Variants in ZNF532 observed in about 807,000 individuals in gnomAD.
The protein encoded by ZNF532 is zinc finger protein 532.
ZNF532 carries 22 observed loss-of-function variants against 89.3 expected under a neutral mutation model. That is an observed-to-expected ratio of 0.25 (90% CI 0.18 to 0.35). The LOEUF (loss-of-function observed/expected upper bound fraction) is 0.35, where lower values mean the gene tolerates loss of function less well. Among genes scored for constraint, ZNF532 ranks in the 10% least tolerant of loss-of-function variants. ZNF532 has a pLI of 1.00. For missense variants in ZNF532, 1,132 were observed against 1,643.4 expected (o/e 0.69, Z 5.38); for synonymous variants, 606 against 649.6 (o/e 0.93, Z 1.02).
upstream of ZNF532, chr18:58,864,181 C>T (rs1042415632): frequency 6.6e-6 from 1 of 152,254 alleles, no homozygotes; most frequent in Non-Finnish European, 1.5e-5. Context: ...CAGTTTTCTT[C>T]CCCCGAGGTG....
chr18:58,926,060 A>G (rs1227051777), intron 3 of ZNF532: 1 of 152,132 alleles, frequency 6.6e-6, no homozygotes, highest in Non-Finnish European at 1.5e-5. Flanking sequence ...GTTTTCACTC[A>G]TCTAGTTCTT....
chr18:58,872,698 C>CTTTTTT (rs146289274), intron 2 of ZNF532, among the ~76,000 whole-genome samples: 1 of 138,594 alleles, frequency 7.2e-6, no homozygotes, highest in East Asian at 2.0e-4. Context: ...CAACATTTAT[C>CTTTTTT]TTTTTTTTTT....
chr18:58,864,656 T>C (rs2056286706), upstream of ZNF532: 1 of 142,274 alleles, frequency 7.0e-6, no homozygotes, highest in African/African-American at 2.7e-5. Flanking sequence ...GGCTGTGTGC[T>C]CGTGGGGTGG....
At chr18:58,981,280 C>G in intron 8 of ZNF532, 190 bp from the exon 9 acceptor site, 1 of 662,522 alleles carries the variant, frequency 1.5e-6, no homozygotes, top group Admixed American at 2.7e-5. Context: ...AAAATTAAAG[C>G]CATCTAGACC....
chr18:58,874,588 G>T (rs1289096972), intron 2 of ZNF532, among the ~76,000 whole-genome samples: 1 of 152,056 alleles, frequency 6.6e-6, no homozygotes, highest in Admixed American at 6.5e-5. Context: ...CGATCCACCC[G>T]CCTTGGCCTC....
chr18:58,897,350 G>C (rs778733326), intron 2 of ZNF532, among the ~76,000 whole-genome samples: 29 of 151,944 alleles, frequency 1.9e-4, no homozygotes, highest in Non-Finnish European at 3.2e-4. Context: ...ATTGAGGTTG[G>C]GGGGAAAAAG....
At chr18:58,892,252 G>A (rs1034513032) in intron 2 of ZNF532, among the ~76,000 whole-genome samples, 1 of 152,142 alleles carries the variant, frequency 6.6e-6, no homozygotes, top group Non-Finnish European at 1.5e-5. Flanking sequence ...AAGAATTTAT[G>A]AAGAAAGGTT....
At chr18:58,955,148 T>C (rs550975292) in intron 7 of ZNF532, among the ~76,000 whole-genome samples, 10 of 152,160 alleles carry the variant, frequency 6.6e-5, no homozygotes, top group Non-Finnish European at 8.8e-5. Context: ...TCCCAGCACA[T>C]TGGGAGGCGG....
At chr18:58,944,901 A>T (rs767970037) in intron 5 of ZNF532, among the ~76,000 whole-genome samples, 12 of 151,968 alleles carry the variant, frequency 7.9e-5, no homozygotes, top group Non-Finnish European at 1.8e-4. Flanking sequence ...TGTATTTAGG[A>T]GGAAAGGGGG....
At chr18:58,879,597 G>A (rs111966060) in intron 2 of ZNF532, among the ~76,000 whole-genome samples, 1 of 152,086 alleles carries the variant, frequency 6.6e-6, no homozygotes, top group Non-Finnish European at 1.5e-5. Context: ...CATCATGTTG[G>A]CTGGGCTGGT....
At chr18:58,973,378 A>AGGC (rs2066679987) in intron 7 of ZNF532, among the ~76,000 whole-genome samples, 1 of 152,242 alleles carries the variant, frequency 6.6e-6, no homozygotes, top group African/African-American at 2.4e-5. Context: ...CTGGGATTAC[A>AGGC]GGCGTGAGCC....
chr18:58,986,416 G>A lies in ZNF532; in HGVS notation c.*1950G>A, dbSNP rs1471887984. Reference sequence around the variant, plus strand: ...TCTCTAAATCTAATGCTCGCTCTATGTGGTTATGTACATATTGACAAATAT... The same window carrying A: ...TCTCTAAATCTAATGCTCGCTCTATATGGTTATGTACATATTGACAAATAT... On this transcript the variant is annotated 3_prime_UTR_variant, in exon 10 of 10. Transcript: ENST00000591808. The A allele has an allele frequency of 1.3e-5, 2 of 152,610 alleles. No individual in the cohort carries two copies. The highest frequency in any genetic ancestry group is 2.9e-5 in the Non-Finnish European group (2 of 68,042). The allele number at this position is 152,610 out of a possible 1,614,324, so 9.5% of individuals were successfully genotyped here. A position where few individuals can be genotyped will look rare whatever the true frequency, so the allele number is the denominator to read the frequency against.
chr18:58,881,445 T>TA (rs1464997671), intron 2 of ZNF532, among the ~76,000 whole-genome samples: 2 of 152,158 alleles, frequency 1.3e-5, no homozygotes, highest in Non-Finnish European at 2.9e-5. Flanking sequence ...TTTTACTTCT[T>TA]AAAAGACCTT....
intron 2 of ZNF532, among the ~76,000 whole-genome samples, chr18:58,886,988 C>G (rs746943485): frequency 6.6e-6 from 1 of 152,210 alleles, no homozygotes; most frequent in African/African-American, 2.4e-5. Context: ...CCTGGGCAAG[C>G]CCTGCCCAGA....
intron 2 of ZNF532, among the ~76,000 whole-genome samples, chr18:58,888,902 T>TA (rs1242894972): frequency 5.0e-5 from 4 of 79,382 alleles, no homozygotes; most frequent in African/African-American, 1.8e-4. Context: ...TATATATATA[T>TA]ATATATATAT....
At chr18:58,884,064 A>G (rs2145052167) in intron 2 of ZNF532, among the ~76,000 whole-genome samples, 1 of 152,338 alleles carries the variant, frequency 6.6e-6, no homozygotes, top group East Asian at 1.9e-4. Context: ...AAATATTAAT[A>G]TTTTAAATTT....
intron 2 of ZNF532, among the ~76,000 whole-genome samples, chr18:58,895,274 G>A (rs1279816303): frequency 2.0e-5 from 3 of 152,178 alleles, no homozygotes; most frequent in Admixed American, 1.3e-4. Flanking sequence ...AGGAACAGAC[G>A]CATGTCTTTA....
At chr18:58,956,759 C>T (rs2064818437) in intron 7 of ZNF532, among the ~76,000 whole-genome samples, 1 of 152,210 alleles carries the variant, frequency 6.6e-6, no homozygotes, top group African/African-American at 2.4e-5. Context: ...ACTCACCCCA[C>T]AGCGGTGTTT....
chr18:58,879,814 G>C (rs7505472), intron 2 of ZNF532, among the ~76,000 whole-genome samples: 13,051 of 152,186 alleles, frequency 0.086, 1,110 homozygotes, highest in East Asian at 0.41. Context: ...TCTTTCGTCT[G>C]TTCTCCTTAC....
Sources: allele counts gnomAD v4.1 joint callset (sites outside exome capture counted in the v4.1 genomes callset), GRCh38; gene constraint gnomAD v4.1.1; transcripts MANE v1.5; gene names NCBI Gene and HGNC (gene_info 2026-07-23, HGNC 2026-07-21).